The following GAN variants were observed in gnomAD, a reference collection of about 807,000 sequenced individuals.
GAN encodes the protein gigaxonin, also known as epididymis secretory sperm binding protein.
A neutral mutation model predicts 71.3 loss-of-function variants in GAN; 48 were observed. That is an observed-to-expected ratio of 0.67 (90% CI 0.53 to 0.86). GAN has a LOEUF of 0.86. GAN is among the 40% of genes least tolerant of loss of function. The pLI is 0.00. For missense variants in GAN, 928 were observed against 770.1 expected (o/e 1.21, Z -2.43); for synonymous variants, 386 against 276.8 (o/e 1.39, Z -3.92).
In GAN at chr16:81,335,902, G is replaced by A. The variant is rs550065779; in HGVS notation, c.168-15681G>A. Among the ~76,000 whole-genome samples, 7 of 152,244 alleles carry A rather than the reference G, an allele frequency of 4.6e-5. No homozygotes were observed. The East Asian group carries it at 9.6e-4, about 21-fold the overall frequency. Reference sequence around the variant, plus strand: ...AGAAAAATTAAAAGGAAATAGTGAAGAGTCCAGCTCTGAGCTCAGTGAGAG... The same window carrying A: ...AGAAAAATTAAAAGGAAATAGTGAAAAGTCCAGCTCTGAGCTCAGTGAGAG... On this transcript the variant is annotated intron_variant, in intron 1 of 10. Transcript: ENST00000648994.
At chr16:81,327,595 C>T (rs543065606) in intron 1 of GAN, among the ~76,000 whole-genome samples, 9 of 150,354 alleles carry the variant, frequency 6.0e-5, no homozygotes, top group South Asian at 2.1e-4. Context: ...TTTAGGAGGC[C>T]TACTTTCTTT....
At chr16:81,376,503 G>GTGTGTA (rs1904280618) in intron 9 of GAN, among the ~76,000 whole-genome samples, 1 of 139,004 alleles carries the variant, frequency 7.2e-6, no homozygotes, top group South Asian at 2.2e-4. Flanking sequence ...GTGTGTGTGT[G>GTGTGTA]TGTGTGTATG....
chr16:81,356,242 G>A (rs192739496), intron 3 of GAN, among the ~76,000 whole-genome samples: 3,971 of 120,660 alleles, frequency 0.033, 94 homozygotes, highest in East Asian at 0.084. Flanking sequence ...CAGTAAAAGT[G>A]TAAATTCATA....
At chr16:81,364,103 C>T (rs1410888323) in intron 7 of GAN, among the ~76,000 whole-genome samples, 160 bp downstream of exon 7, 1 of 152,220 alleles carries the variant, frequency 6.6e-6, no homozygotes, top group African/African-American at 2.4e-5. Context: ...CTGTCATCAG[C>T]CACACACCAA....
intron 7 of GAN, among the ~76,000 whole-genome samples, chr16:81,364,276 C>A (rs1365627601): frequency 6.6e-6 from 1 of 152,100 alleles, no homozygotes; most frequent in Non-Finnish European, 1.5e-5. Flanking sequence ...CTCTCTCTTT[C>A]CTTTTGTTGT....
chr16:81,365,614 A>G (rs1197079479), intron 9 of GAN, 136 bp downstream of exon 9: 1 of 845,094 alleles, frequency 1.2e-6, no homozygotes, highest in Non-Finnish European at 2.0e-6. Context: ...TGCATACTAG[A>G]TATTTATTCA....
intron 1 of GAN, 111 bp from the exon 2 acceptor site, chr16:81,351,472 G>T: frequency 3.0e-6 from 2 of 671,292 alleles, no homozygotes; most frequent in South Asian, 3.3e-5. Flanking sequence ...TTTCTAGGTG[G>T]GGATTCATAT....
chr16:81,361,298 T>A (rs1910665469), intron 5 of GAN, among the ~76,000 whole-genome samples: 1 of 152,226 alleles, frequency 6.6e-6, no homozygotes, highest in South Asian at 2.1e-4. Context: ...GATGTTAGAA[T>A]CTAAGGCTTA....
At chr16:81,363,656 C>G (rs1209239401) in intron 6 of GAN, 138 bp from the exon 7 acceptor site, 7 of 819,462 alleles carry the variant, frequency 8.5e-6, no homozygotes, top group African/African-American at 5.1e-5. Flanking sequence ...GCTCCTCTCC[C>G]TGTCTCCTTG....
At chr16:81,352,394 A>G (rs1018769169) in intron 2 of GAN, among the ~76,000 whole-genome samples, 2 of 152,214 alleles carry the variant, frequency 1.3e-5, no homozygotes, top group African/African-American at 2.4e-5. Context: ...CAAGCAAAGC[A>G]TGAGGACTCA....
intron 5 of GAN, among the ~76,000 whole-genome samples, chr16:81,358,763 C>G (rs779395762): frequency 6.6e-6 from 1 of 152,128 alleles, no homozygotes; most frequent in Non-Finnish European, 1.5e-5. Context: ...CCTTAAGGAG[C>G]TGATAGAAAA....
At chr16:81,343,577 G>A (rs1910017330) in intron 1 of GAN, among the ~76,000 whole-genome samples, 1 of 152,068 alleles carries the variant, frequency 6.6e-6, no homozygotes, top group Non-Finnish European at 1.5e-5. Flanking sequence ...GCCTTTCATG[G>A]TAAAAACTCT....
rs1904362854 is a variant in GAN at position 81,385,137 on chromosome 16, C to G, written c.*7541C>G. 6.6e-6 allele frequency: 1 copy of G among 152,432 alleles called. No individual in the cohort carries two copies. The highest frequency in any genetic ancestry group is 1.9e-4 in the East Asian group (1 of 5,202). The allele number at this position is 152,432 out of a possible 1,614,324, so 9.4% of individuals were successfully genotyped here. ...ATAAGATTTAATTTTTATGCTTGTG[C>G]TTTTCAGAGTAAAGGGCTTGCTTTC... On this transcript the variant is annotated 3_prime_UTR_variant, in exon 11 of 11. Coordinates refer to ENST00000648994, the MANE Select transcript of GAN (RefSeq NM_022041.4).
At chr16:81,362,243 G>T (rs1050600471) in intron 5 of GAN, among the ~76,000 whole-genome samples, 1 of 152,108 alleles carries the variant, frequency 6.6e-6, no homozygotes, top group African/African-American at 2.4e-5. Flanking sequence ...TGACTGAGCG[G>T]GTGACGCCAG....
rs1910801352 is a variant in GAN at position 81,364,966 on chromosome 16, G to A, written c.1237-8G>A. ...TGCCTCTCCCCCACCATTGTTCTCT[G>A]CTTTCAGATCGGCTGCTATGCAGCT... On this transcript the variant is annotated splice_polypyrimidine_tract_variant and splice_region_variant and intron_variant, in intron 7 of 10. Coordinates refer to ENST00000648994, the MANE Select transcript of GAN (RefSeq NM_022041.4). 6.2e-7 allele frequency: 1 copy of A among 1,613,900 alleles called. No individual in the cohort carries two copies. Among genetic ancestry groups the A allele is most frequent in the South Asian group, 1.1e-5 (1 of 91,080 alleles).
At position 81,384,058 on chromosome 16, in the gene GAN, A is replaced by C. The variant is rs1904333708; in HGVS notation, c.*6462A>C. ...GTCAACTTGGTTTAAATACAACTGT[A>C]CTAACTTGCTTTATCATGTTTCCTG... On this transcript the variant is annotated 3_prime_UTR_variant, in exon 11 of 11. Coordinates refer to ENST00000648994, the MANE Select transcript of GAN (RefSeq NM_022041.4). 1.3e-5 allele frequency: 2 copies of C among 152,108 alleles called. No homozygotes were observed. 9.4% of individuals were successfully genotyped at this position (152,108 alleles called of 1,614,324 possible). A position where few individuals can be genotyped will look rare whatever the true frequency, so the allele number is the denominator to read the frequency against.
chr16:81,332,462 G>T (rs78017588), intron 1 of GAN, among the ~76,000 whole-genome samples: 1 of 152,192 alleles, frequency 6.6e-6, no homozygotes, highest in African/African-American at 2.4e-5. Context: ...TTCACACCTG[G>T]GATGTAGTCT....
chr16:81,350,300 A>G (rs1057255229), intron 1 of GAN, among the ~76,000 whole-genome samples: 1 of 152,214 alleles, frequency 6.6e-6, no homozygotes. Context: ...GATGATAACC[A>G]CAGTGAGATA....
chr16:81,369,217 C>G (rs1044825432), intron 9 of GAN, among the ~76,000 whole-genome samples: 1 of 152,186 alleles, frequency 6.6e-6, no homozygotes, highest in African/African-American at 2.4e-5. Flanking sequence ...GGCAAAATCA[C>G]CATGCTGGTT....
Sources: gnomAD v4.1 joint callset for allele counts (sites outside exome capture counted in the v4.1 genomes callset) on GRCh38, gnomAD v4.1.1 for gene constraint, MANE v1.5 for transcripts, NCBI Gene and HGNC (gene_info 2026-07-23, HGNC 2026-07-21) for gene names.